The following KIF2A variants were observed in gnomAD, a reference collection of about 807,000 sequenced individuals.
The protein encoded by KIF2A is kinesin family member 2A, also known as kinesin-like protein KIF2A.
In KIF2A, 22 loss-of-function variants were observed where a neutral mutation model predicts 100.2. The ratio of observed to expected loss-of-function variants is 0.22; its 90% confidence interval spans 0.16 to 0.31. The LOEUF (loss-of-function observed/expected upper bound fraction) is 0.31, where lower values mean the gene tolerates loss of function less well. Ranked by LOEUF, KIF2A falls within the 10% of genes least tolerant of loss-of-function variation. The pLI is 1.00. For synonymous variants in KIF2A, 268 were observed against 285.9 expected (o/e 0.94, Z 0.63); for missense variants, 495 against 898.7 (o/e 0.55, Z 5.74).
chr5:62,389,690 T>G lies in KIF2A; in HGVS notation c.*4121T>G, dbSNP rs1422039683. On this transcript the variant is annotated 3_prime_UTR_variant, in exon 21 of 21. Coordinates refer to ENST00000407818, the MANE Select transcript of KIF2A (RefSeq NM_001098511.3). ...TAACTGAACAAGAAGCTGTTTGGAATTGGCAGAAGTCAGATGAAAAACCAA... is the reference window on the plus strand; with the variant it reads ...TAACTGAACAAGAAGCTGTTTGGAAGTGGCAGAAGTCAGATGAAAAACCAA... 1.3e-5 allele frequency among the ~76,000 whole-genome samples: 2 copies of G among 152,060 alleles called. No individual in the cohort carries two copies. Among genetic ancestry groups the G allele is most frequent in the African/African-American group, 2.4e-5 (1 of 41,414 alleles).
At chr5:62,329,819 G>T (rs796750476) in intron 1 of KIF2A, among the ~76,000 whole-genome samples, 1 of 152,098 alleles carries the variant, frequency 6.6e-6, no homozygotes, top group Non-Finnish European at 1.5e-5. Flanking sequence ...ATTTTCATGC[G>T]CTTGAAGGAG....
In KIF2A at chr5:62,390,873, T is replaced by G; in HGVS notation, c.*5304T>G. On this transcript the variant is annotated 3_prime_UTR_variant, in exon 21 of 21. Transcript: ENST00000407818. ...ACACTTAGGAAAACAAAAATGTAATTACCTGATGAAGTCATCTATGTCCAT... is the reference window on the plus strand; with the variant it reads ...ACACTTAGGAAAACAAAAATGTAATGACCTGATGAAGTCATCTATGTCCAT... The G allele has an allele frequency of 6.2e-7, 1 of 1,610,354 alleles. No homozygotes were observed. The highest frequency in any genetic ancestry group is 8.5e-7 in the Non-Finnish European group (1 of 1,178,392).
chr5:62,360,610 G>A (rs1348220183), intron 9 of KIF2A, among the ~76,000 whole-genome samples: 13 of 152,078 alleles, frequency 8.5e-5, no homozygotes, highest in Non-Finnish European at 1.9e-4. Flanking sequence ...ACTTGAACCC[G>A]GGAGGCGGAG....
chr5:62,358,338 G>T, intron 9 of KIF2A, 39 bp downstream of exon 9: 1 of 1,420,124 alleles, frequency 7.0e-7, no homozygotes, highest in East Asian at 2.4e-5. Context: ...TTGTTCTTAT[G>T]CCATGTGGTC....
At chr5:62,373,533 G>A (rs1741408634) in intron 17 of KIF2A, among the ~76,000 whole-genome samples, 154 bp from the exon 18 acceptor site, 1 of 152,028 alleles carries the variant, frequency 6.6e-6, no homozygotes, top group South Asian at 2.1e-4. Flanking sequence ...AACCACTTAA[G>A]TGTTTCTACA....
intron 1 of KIF2A, among the ~76,000 whole-genome samples, chr5:62,340,533 T>C (rs1025229338): frequency 2.0e-5 from 3 of 152,190 alleles, no homozygotes; most frequent in Non-Finnish European, 4.4e-5. Context: ...ATTAGTCTTA[T>C]TAACGTCTAT....
chr5:62,345,224 C>T (rs1331854781), intron 1 of KIF2A, among the ~76,000 whole-genome samples: 2 of 152,062 alleles, frequency 1.3e-5, no homozygotes, highest in Admixed American at 6.5e-5. Flanking sequence ...CCCGTCTCTA[C>T]TAAAAATACA....
At chr5:62,306,847 A>C in intron 1 of KIF2A, 1 of 347,506 alleles carries the variant, frequency 2.9e-6, no homozygotes, top group Non-Finnish European at 5.2e-6. Flanking sequence ...CGCAATCTCC[A>C]GCCCCCCCCC....
At chr5:62,357,780 T>C (rs777154937) in intron 8 of KIF2A, 35 bp downstream of exon 8, 1 of 1,198,584 alleles carries the variant, frequency 8.3e-7, no homozygotes, top group Admixed American at 2.1e-5. Flanking sequence ...AAAAGATTGA[T>C]TTTATCTTAT....
intron 1 of KIF2A, among the ~76,000 whole-genome samples, chr5:62,314,649 G>T (rs1056725298): frequency 7.3e-5 from 11 of 151,466 alleles, no homozygotes; most frequent in Non-Finnish European, 1.5e-4. Flanking sequence ...GTTTTTGTAG[G>T]TTTTGGCATT....
At chr5:62,309,578 T>C (rs1185235917) in intron 1 of KIF2A, among the ~76,000 whole-genome samples, 3 of 152,182 alleles carry the variant, frequency 2.0e-5, no homozygotes, top group Non-Finnish European at 2.9e-5. Context: ...ACACTAGTGG[T>C]TATTATAACA....
In KIF2A at chr5:62,370,490, T is replaced by A. The variant is rs537984923; in HGVS notation, c.1647-1948T>A. On this transcript the variant is annotated intron_variant, in intron 16 of 20. Coordinates refer to ENST00000407818, the MANE Select transcript of KIF2A (RefSeq NM_001098511.3). The stretch of plus-strand genomic sequence containing the variant: ...TTTGTATTTTTTAGTAGAGATGGAG[T>A]TTCACCATGTTGGCCAGGCTGGTCT... Among the ~76,000 whole-genome samples the A allele has an allele frequency of 1.6e-4, 25 of 151,890 alleles. No individual in the cohort carries two copies. In the South Asian group the frequency reaches 5.2e-3, roughly 32 times the overall value.
At chr5:62,375,928 C>T (rs1423776922) in intron 18 of KIF2A, among the ~76,000 whole-genome samples, 1 of 152,166 alleles carries the variant, frequency 6.6e-6, no homozygotes, top group Non-Finnish European at 1.5e-5. Context: ...GAGTTCTAAA[C>T]TTTGAACCAT....
intron 1 of KIF2A, among the ~76,000 whole-genome samples, chr5:62,317,328 G>A (rs528958497): frequency 2.0e-5 from 3 of 152,156 alleles, no homozygotes; most frequent in Admixed American, 6.5e-5. Context: ...GATTACAGGC[G>A]TGAGCCACAG....
At chr5:62,384,543 G>T (rs1405312439) in intron 20 of KIF2A, among the ~76,000 whole-genome samples, 1 of 152,104 alleles carries the variant, frequency 6.6e-6, no homozygotes, top group Non-Finnish European at 1.5e-5. Flanking sequence ...CACCAGTTGG[G>T]ATAACCAAAA....
At chr5:62,348,268 G>T in intron 3 of KIF2A, 101 bp downstream of exon 3, 1 of 1,254,864 alleles carries the variant, frequency 8.0e-7, no homozygotes, top group East Asian at 2.4e-5. Context: ...AAGAGTTTAA[G>T]AATTGATTAA....
intron 1 of KIF2A, among the ~76,000 whole-genome samples, chr5:62,342,821 T>A (rs1405272343): frequency 6.6e-6 from 1 of 151,680 alleles, no homozygotes; most frequent in African/African-American, 2.4e-5. Context: ...GGAGCGATCT[T>A]GGTTCACTGC....
At chr5:62,322,641 C>G (rs1284773776) in intron 1 of KIF2A, among the ~76,000 whole-genome samples, 1 of 152,048 alleles carries the variant, frequency 6.6e-6, no homozygotes, top group Non-Finnish European at 1.5e-5. Context: ...CCTTGAAATA[C>G]CTTGCAACTC....
chr5:62,309,375 A>G (rs938273364), intron 1 of KIF2A, among the ~76,000 whole-genome samples: 2 of 152,194 alleles, frequency 1.3e-5, no homozygotes, highest in Non-Finnish European at 2.9e-5. Flanking sequence ...TGTGCCTCAG[A>G]TGCATGATGG....
Sources: allele counts gnomAD v4.1 joint callset (sites outside exome capture counted in the v4.1 genomes callset), GRCh38; gene constraint gnomAD v4.1.1; transcripts MANE v1.5; gene names NCBI Gene and HGNC (gene_info 2026-07-23, HGNC 2026-07-21).